The following RNF213 variants were observed in gnomAD, a reference collection of about 807,000 sequenced individuals.
RNF213 encodes the protein E3 ubiquitin-protein ligase RNF213.
RNF213 carries 341 observed loss-of-function variants against 514.4 expected under a neutral mutation model. The ratio of observed to expected loss-of-function variants is 0.66; its 90% CI spans 0.61 to 0.73. RNF213 has a LOEUF of 0.73. Among genes scored for constraint, RNF213 ranks in the 30% least tolerant of loss-of-function variants. The pLI is 0.00. For missense variants in RNF213, 5,767 were observed against 6,615.6 expected (o/e 0.87, Z 4.45); for synonymous variants, 2,655 against 2,658.2 (o/e 1.00, Z 0.04).
rs1468904236 is a variant in RNF213 at position 80,372,515 on chromosome 17, C to T, written c.12538-6C>T. The T allele has an allele frequency of 6.2e-7, 1 of 1,605,512 alleles. No homozygotes were observed. The highest frequency in any genetic ancestry group is 1.1e-5 in the South Asian group (1 of 90,536). On this transcript the variant is annotated splice_region_variant and splice_polypyrimidine_tract_variant and intron_variant, in intron 47 of 67. Transcript: ENST00000582970. Reference sequence around the variant, plus strand: ...ATCCTTTTCTTTCTTGTTCCTTGTTCCTCAGGATTCAATACTTGAGAAGAC... The same window carrying T: ...ATCCTTTTCTTTCTTGTTCCTTGTTTCTCAGGATTCAATACTTGAGAAGAC...
intron 17 of RNF213, among the ~76,000 whole-genome samples, chr17:80,322,350 C>T (rs1353972793): frequency 6.6e-6 from 1 of 151,850 alleles, no homozygotes; most frequent in East Asian, 1.9e-4. Context: ...TTTCTGTGGG[C>T]CGGGCATGGT....
At chr17:80,357,164 GCCTCAGCCT>G (rs2078860157) in intron 36 of RNF213, among the ~76,000 whole-genome samples, 1 of 152,108 alleles carries the variant, frequency 6.6e-6, no homozygotes, top group Non-Finnish European at 1.5e-5. Context: ...TGATCCGCCC[GCCTCAGCCT>G]CCCAACGTGC....
At position 80,364,427 on chromosome 17, in the gene RNF213, T is replaced by C; in HGVS notation, c.11751-6T>C. 4 of 1,614,150 alleles carry C rather than the reference T, an allele frequency of 2.5e-6. No homozygotes were observed. The South Asian group carries it at 3.3e-5, about 13-fold the overall frequency. ...TGAGTGAGTGAGTGGCGCCCTCTTT[T>C]GACAGAGCCCAGTGGAGTCGGATTT... On this transcript the variant is annotated splice_polypyrimidine_tract_variant and splice_region_variant and intron_variant, in intron 41 of 67. Coordinates refer to ENST00000582970, the MANE Select transcript of RNF213 (RefSeq NM_001256071.3).
chr17:80,315,582 A>ATGGTGGTGGTGG (rs1224464335), intron 15 of RNF213: 2 of 2,120 alleles, frequency 9.4e-4, no homozygotes, highest in Admixed American at 4.2e-3. Flanking sequence ...AATGGAGGTG[A>ATGGTGGTGGTGG]TGGTGGTGGT....
At chr17:80,388,538 G>C (rs924649932) in intron 63 of RNF213, 74 bp from the exon 64 acceptor site, 6 of 1,046,270 alleles carry the variant, frequency 5.7e-6, no homozygotes, top group Non-Finnish European at 8.9e-6. Flanking sequence ...TCCGGCTGCA[G>C]ATTCTGTTTG....
intron 46 of RNF213, among the ~76,000 whole-genome samples, chr17:80,370,679 C>T (rs997492077): frequency 3.9e-5 from 6 of 152,196 alleles, no homozygotes; most frequent in African/African-American, 1.2e-4. Flanking sequence ...ACTCCCACTA[C>T]ACACCGGAGT....
At chr17:80,376,065 G>A (rs1284339001) in intron 51 of RNF213, among the ~76,000 whole-genome samples, 195 bp downstream of exon 51, 4 of 152,158 alleles carry the variant, frequency 2.6e-5, no homozygotes, top group Admixed American at 6.5e-5. Flanking sequence ...GAAAACTAAA[G>A]CCAAGAACAT....
chr17:80,363,756 G>A lies in RNF213; in HGVS notation c.11716G>A (p.Gly3906Arg), dbSNP rs1025831748. 2.2e-5 allele frequency: 35 copies of A among 1,613,564 alleles called. No homozygotes were observed. The highest frequency in any genetic ancestry group is 6.7e-5 in the Admixed American group (4 of 59,978). ...ICSDEHMQGS[G>R]SLAQAVIREV... ...CTCCGATGAGCACATGCAAGGCAGC[G>A]GGAGCCTGGCCCAGGCTGTCATCAG... Residue 3906 changes from glycine to arginine, a missense_variant, in exon 41 of 68, where the codon GGG (glycine) becomes AGG (arginine). Around this residue, in one of 13 missense-constraint regions of RNF213, gnomAD observed 355 missense variants for 358.0 expected, o/e 0.99. Transcript: ENST00000582970.
Position 80,291,829 on chromosome 17 carries a change from T to C in RNF213, c.1471+2T>C. ...AATCTTCACTTCTGGGCTCAGGAGG[T>C]AAGTCGTGGCAGCAGGCTGTCTGCT... On this transcript the variant is annotated splice_donor_variant, in intron 8 of 67. Transcript: ENST00000582970. LOFTEE classifies it high-confidence loss of function. 1 of 1,614,088 alleles carries C rather than the reference T, an allele frequency of 6.2e-7. No homozygotes were observed. The highest frequency in any genetic ancestry group is 8.5e-7 in the Non-Finnish European group (1 of 1,180,032).
intron 11 of RNF213, chr17:80,298,735 CG>C (rs2045058729): frequency 3.8e-6 from 2 of 521,246 alleles, no homozygotes; most frequent in Non-Finnish European, 7.0e-6. Context: ...GAGGCTGAGA[CG>C]GGTGGATCAC....
intron 2 of RNF213, among the ~76,000 whole-genome samples, chr17:80,267,399 C>T (rs558249446): frequency 7.3e-5 from 11 of 151,490 alleles, no homozygotes; most frequent in East Asian, 3.9e-4. Context: ...GCCGAGATCA[C>T]GCCACTGCAC....
intron 57 of RNF213, 85 bp from the exon 58 acceptor site, chr17:80,382,894 T>TA (rs2080078588): frequency 1.2e-6 from 1 of 820,144 alleles, no homozygotes; most frequent in Admixed American, 1.9e-5. Context: ...TTATTTCTAT[T>TA]AAACACTTAT....
intron 2 of RNF213, among the ~76,000 whole-genome samples, chr17:80,267,737 G>C (rs2043656348): frequency 6.6e-6 from 1 of 152,140 alleles, no homozygotes; most frequent in Non-Finnish European, 1.5e-5. Context: ...GAAGCAGCGA[G>C]TGCTGCTGGA....
intron 16 of RNF213, among the ~76,000 whole-genome samples, chr17:80,318,705 C>G (rs1389764506): frequency 4.6e-5 from 7 of 152,092 alleles, no homozygotes; most frequent in Non-Finnish European, 8.8e-5. Flanking sequence ...TCCCGAGTAG[C>G]TGGGACTACA....
At position 80,309,090 on chromosome 17, in the gene RNF213, C is replaced by T. The variant is rs1411229917; in HGVS notation, c.2574C>T (p.Ser858=). The T allele has an allele frequency of 3.1e-6, 5 of 1,614,110 alleles. No individual in the cohort carries two copies. Among genetic ancestry groups the T allele is most frequent in the Non-Finnish European group, 4.2e-6 (5 of 1,180,054 alleles). ...CLKLHEAICS[S]TKLLKFYELP... is the part of the protein sequence containing the mutation. ...AACTGCATGAAGCCATCTGCAGCAG[C>T]ACAAAGCTACTTAAGTTTTACGAGC... Residue 858 remains serine, a synonymous_variant, in exon 14 of 68, where the codon AGC becomes AGT. Transcript: ENST00000582970.
chr17:80,367,339 G>A (rs1331880577), intron 42 of RNF213, among the ~76,000 whole-genome samples: 1 of 152,072 alleles, frequency 6.6e-6, no homozygotes, highest in African/African-American at 2.4e-5. Context: ...ATCTATCGCA[G>A]CAGCTTGGGA....
rs1247905743 is a variant in RNF213, at chr17:80,383,790, C to G, written c.14184C>G (p.His4728Gln). The G allele has an allele frequency of 2.5e-6, 4 of 1,614,088 alleles. No homozygotes were observed. Among genetic ancestry groups the G allele is most frequent in the Non-Finnish European group, 3.4e-6 (4 of 1,180,048 alleles). ...GTGACCCAGTGACCTTCCTGCCCCA[C>G]CTGCCCCGGAAAAGTGTGGTCCATT... ...IYGDPVTFLP[H>Q]LPRKSVVHCS... is the part of the protein sequence containing the mutation. The change falls in exon 59 of 68, where the codon CAC becomes CAG. Residue 4728 changes from histidine (H) to glutamine (Q), a missense_variant. His to Gln is a conservative substitution (Grantham distance 24). Around this residue, in one of 13 missense-constraint regions of RNF213, gnomAD observed 1,245 missense variants for 1,339.0 expected, o/e 0.93. Coordinates refer to ENST00000582970, the MANE Select transcript of RNF213 (RefSeq NM_001256071.3).
intron 17 of RNF213, among the ~76,000 whole-genome samples, chr17:80,323,702 G>A (rs62076499): frequency 0.06 from 9,196 of 152,030 alleles, 368 homozygotes; most frequent in Non-Finnish European, 0.085. Flanking sequence ...TGATCAACCC[G>A]CCTTGACCTC....
In RNF213 at chr17:80,319,483, C is replaced by G. The variant is rs1354104571; in HGVS notation, c.3024+171C>G. The G allele has an allele frequency of 1.9e-6, 3 of 1,613,946 alleles. No homozygotes were observed. In the African/African-American group the frequency reaches 4.0e-5, roughly 22 times the overall value. ...AGGGCAATGGCGCTGAAATCTAGTT[C>G]TCTCCGGATTCCTCAGTGTGCTGCA... is the stretch of plus-strand genomic sequence containing the variant. On this transcript the variant is annotated intron_variant, in intron 17 of 67. Transcript: ENST00000582970.
Sources: allele counts gnomAD v4.1 joint callset (sites outside exome capture counted in the v4.1 genomes callset), GRCh38; gene constraint gnomAD v4.1.1; regional missense constraint gnomAD v4.1.1; transcripts MANE v1.5; gene names NCBI Gene and HGNC (gene_info 2026-07-23, HGNC 2026-07-21).